The following RNF144A variants were observed in gnomAD, a reference collection of about 807,000 sequenced individuals.
RNF144A encodes E3 ubiquitin-protein ligase RNF144A.
In RNF144A, 11 loss-of-function variants were observed where a neutral mutation model predicts 38.7. That is an observed-to-expected ratio of 0.28 (90% CI 0.18 to 0.47). The LOEUF is 0.47. Among genes scored for constraint, RNF144A ranks in the 20% least tolerant of loss-of-function variants. RNF144A has a pLI of 0.99. For missense variants in RNF144A, 316 were observed against 377.2 expected (o/e 0.84, Z 1.34); for synonymous variants, 149 against 143.9 (o/e 1.04, Z -0.25).
At position 6,941,957 on chromosome 2, in the gene RNF144A, G is replaced by A. The variant is rs1666021084; in HGVS notation, c.-12+810G>A. Among the ~76,000 whole-genome samples, 1 of 152,238 alleles carries A rather than the reference G, an allele frequency of 6.6e-6. No individual in the cohort carries two copies. On this transcript the variant is annotated intron_variant, in intron 2 of 8. Coordinates refer to ENST00000320892, the MANE Select transcript of RNF144A (RefSeq NM_014746.6). The surrounding 1 kb of genome is among the most constrained non-coding windows in gnomAD (Gnocchi z 6.5). ...CTGTGCCTGCCATTGCAGGCTGTGG[G>A]GGAATTCTAGGTTCATGATGGGATA...
chr2:6,926,243 C>G (rs546970751), intron 1 of RNF144A, among the ~76,000 whole-genome samples: 1 of 152,166 alleles, frequency 6.6e-6, no homozygotes, highest in Non-Finnish European at 1.5e-5. Flanking sequence ...TGCATCTGTC[C>G]GTTTTTGTCA....
At chr2:7,025,991 T>C (rs953357066) in intron 7 of RNF144A, among the ~76,000 whole-genome samples, 1 of 152,156 alleles carries the variant, frequency 6.6e-6, no homozygotes, top group African/African-American at 2.4e-5. Flanking sequence ...ATTCATACCA[T>C]GGGGCTATCT....
At chr2:7,062,354 A>C (rs758710733) in intron 6 of RNF144A, among the ~76,000 whole-genome samples, 2 of 152,116 alleles carry the variant, frequency 1.3e-5, no homozygotes, top group African/African-American at 2.4e-5. Flanking sequence ...TGCCAAAGGA[A>C]ATCTCAAGAC....
In RNF144A at chr2:6,962,969, G is replaced by C. The variant is rs1239053888; in HGVS notation, c.-12+21822G>C. Reference sequence around the variant, plus strand: ...AATTTTAAAAGATGGATGAATAAGGGGACTGTCCTCAGCACTGAGAAGCAG... The same window carrying C: ...AATTTTAAAAGATGGATGAATAAGGCGACTGTCCTCAGCACTGAGAAGCAG... On this transcript the variant is annotated intron_variant, in intron 2 of 8. Coordinates refer to ENST00000320892, the MANE Select transcript of RNF144A (RefSeq NM_014746.6). The surrounding 1 kb of genome is among the most constrained non-coding windows in gnomAD (Gnocchi z 4.1). Among the ~76,000 whole-genome samples, 1 of 152,144 alleles carries C rather than the reference G, an allele frequency of 6.6e-6. No homozygotes were observed. The highest frequency in any genetic ancestry group is 2.4e-5 in the African/African-American group (1 of 41,426).
intron 1 of RNF144A, among the ~76,000 whole-genome samples, chr2:6,927,294 G>A (rs1419067775): frequency 1.3e-5 from 2 of 152,220 alleles, no homozygotes; most frequent in African/African-American, 4.8e-5. Flanking sequence ...CTGATTGGCC[G>A]AGGGAAGCAT....
chr2:7,014,777 G>A lies in RNF144A; in HGVS notation c.301+5G>A. On this transcript the variant is annotated splice_donor_5th_base_variant and intron_variant, in intron 5 of 8. Transcript: ENST00000320892. ...AAAAGCTACAATTTGAAAGAGGTAG[G>A]TGCCTGGTATATCTGCCGGTTATGA... The A allele has an allele frequency of 2.5e-6, 4 of 1,603,222 alleles. No homozygotes were observed. Among genetic ancestry groups the A allele is most frequent in the South Asian group, 1.1e-5 (1 of 90,870 alleles).
intron 8 of RNF144A, among the ~76,000 whole-genome samples, chr2:7,035,140 T>G (rs1237099062): frequency 6.6e-6 from 1 of 152,204 alleles, no homozygotes; most frequent in Admixed American, 6.5e-5. Context: ...CTGTTCTGCC[T>G]TCTCCACTCC....
intron 3 of RNF144A, among the ~76,000 whole-genome samples, chr2:7,002,239 A>G (rs1023830826): frequency 6.6e-6 from 1 of 151,976 alleles, no homozygotes; most frequent in African/African-American, 2.4e-5. Context: ...CACATAGCGG[A>G]TATTTATTTA....
At chr2:6,991,372 C>G (rs1430931461) in intron 2 of RNF144A, among the ~76,000 whole-genome samples, 1 of 152,210 alleles carries the variant, frequency 6.6e-6, no homozygotes, top group Non-Finnish European at 1.5e-5. Context: ...CTGCTGCTGA[C>G]AGCTCCGTAT....
chr2:6,990,189 G>A (rs549537154), intron 2 of RNF144A, among the ~76,000 whole-genome samples: 1 of 152,198 alleles, frequency 6.6e-6, no homozygotes, highest in East Asian at 1.9e-4. Flanking sequence ...GTGCCAGCGT[G>A]CTTGAGTTCT....
chr2:7,018,705 G>C lies in RNF144A; in HGVS notation c.302-1768G>C, dbSNP rs567466530. 4.6e-5 allele frequency among the ~76,000 whole-genome samples: 7 copies of C among 152,348 alleles called. 1 individual carries two copies. In the East Asian group the frequency reaches 7.7e-4, roughly 17 times the overall value. The stretch of plus-strand genomic sequence containing the variant: ...TGGAAACTATCAACAAATAAGAGAA[G>C]AGCTAATTTTGTCCATTCATTCAGT... On this transcript the variant is annotated intron_variant, in intron 5 of 8. Transcript: ENST00000320892.
intron 3 of RNF144A, among the ~76,000 whole-genome samples, chr2:7,006,078 C>T (rs970749733): frequency 1.3e-5 from 2 of 151,834 alleles, no homozygotes; most frequent in Non-Finnish European, 2.9e-5. Context: ...ATCATGACAG[C>T]TATGCTCTGT....
intron 8 of RNF144A, among the ~76,000 whole-genome samples, chr2:7,038,383 A>C (rs926859824): frequency 6.6e-6 from 1 of 152,112 alleles, no homozygotes; most frequent in Non-Finnish European, 1.5e-5. Context: ...CTGGAACCTG[A>C]TGGCAGTTTC....
chr2:6,966,234 G>A (rs905547353), intron 2 of RNF144A, among the ~76,000 whole-genome samples: 2 of 152,284 alleles, frequency 1.3e-5, no homozygotes, highest in South Asian at 2.1e-4. Context: ...GCAGGAACAT[G>A]AAGACTAAAG....
At chr2:6,922,271 A>G (rs1231741182) in intron 1 of RNF144A, among the ~76,000 whole-genome samples, 1 of 117,786 alleles carries the variant, frequency 8.5e-6, no homozygotes, top group Non-Finnish European at 1.9e-5. Flanking sequence ...AGCCCCGTGC[A>G]TGTGCTGGAT....
chr2:7,001,256 C>T (rs192587440), intron 3 of RNF144A, among the ~76,000 whole-genome samples: 69 of 151,728 alleles, frequency 4.5e-4, no homozygotes, highest in Non-Finnish European at 7.5e-4. Context: ...GCTGAGATCG[C>T]GCCATTGCAC....
At position 7,020,463 on chromosome 2, in the gene RNF144A, A is replaced by C; in HGVS notation, c.302-10A>C. The C allele has an allele frequency of 6.2e-7, 1 of 1,610,242 alleles. No homozygotes were observed. The highest frequency in any genetic ancestry group is 8.5e-7 in the Non-Finnish European group (1 of 1,177,322). On this transcript the variant is annotated splice_polypyrimidine_tract_variant and intron_variant, in intron 5 of 8. Transcript: ENST00000320892. ...AAGTTTGATTTGTCCATTTTGTCTC[A>C]CTGTACCAGAGGTGCTGTTTGATCC... is the stretch of plus-strand genomic sequence containing the variant.
Position 6,966,453 on chromosome 2 carries a change from G to A in RNF144A, c.-12+25306G>A, listed in dbSNP as rs74422842. On this transcript the variant is annotated intron_variant, in intron 2 of 8. Coordinates refer to ENST00000320892, the MANE Select transcript of RNF144A (RefSeq NM_014746.6). Reference sequence around the variant, plus strand: ...GCAGCAACACGAAGACTAAACAGCCGTGGTCAGCGTCACCCACTTTGGTCT... The same window carrying A: ...GCAGCAACACGAAGACTAAACAGCCATGGTCAGCGTCACCCACTTTGGTCT... Among the ~76,000 whole-genome samples the A allele has an allele frequency of 3.6e-3, 545 of 152,340 alleles. 4 individuals carry two copies. The highest frequency in any genetic ancestry group is 0.01 in the African/African-American group (432 of 41,586).
chr2:6,998,816 C>A (rs1669920013), intron 3 of RNF144A, among the ~76,000 whole-genome samples: 1 of 150,536 alleles, frequency 6.6e-6, no homozygotes, highest in South Asian at 2.1e-4. Flanking sequence ...TAGCCTTATG[C>A]AAAATCACCT....
Sources: allele counts gnomAD v4.1 joint callset (sites outside exome capture counted in the v4.1 genomes callset), GRCh38; gene constraint gnomAD v4.1.1; non-coding constraint Gnocchi (gnomAD v3.1); transcripts MANE v1.5; gene names NCBI Gene and HGNC (gene_info 2026-07-23, HGNC 2026-07-21).